CSMD1: variants seen among roughly 807,000 people sequenced by gnomAD.
CSMD1 encodes CUB and sushi domain-containing protein 1.
CSMD1 carries 213 observed loss-of-function variants against 417.5 expected under a neutral mutation model. The ratio of observed to expected loss-of-function variants is 0.51; its 90% confidence interval spans 0.46 to 0.57. CSMD1 has a LOEUF of 0.57. Among genes scored for constraint, CSMD1 ranks in the 20% least tolerant of loss-of-function variants. The pLI is 0.00. For missense variants in CSMD1, 6,923 were observed against 4,529.7 expected, an observed-to-expected ratio of 1.53 and a Z score of -15.17; for synonymous variants, 2,862 against 1,736.8, an observed-to-expected ratio of 1.65 and a Z score of -16.11.
chr8:4,381,478 T>C (rs1169361100), intron 3 of CSMD1, among the ~76,000 whole-genome samples: 1 of 152,204 alleles, frequency 6.6e-6, no homozygotes, highest in Non-Finnish European at 1.5e-5. Flanking sequence ...GATCATTGTC[T>C]TCCAACTGGC....
At chr8:3,520,059 T>A (rs1797444103) in intron 10 of CSMD1, among the ~76,000 whole-genome samples, 1 of 145,234 alleles carries the variant, frequency 6.9e-6, no homozygotes, top group African/African-American at 2.6e-5. Context: ...GTTGTGAAAC[T>A]TGCTCCACAG....
chr8:3,363,862 A>C (rs1809372943), intron 20 of CSMD1, among the ~76,000 whole-genome samples: 1 of 152,204 alleles, frequency 6.6e-6, no homozygotes, highest in Non-Finnish European at 1.5e-5. Context: ...ATAGTTAGCA[A>C]CTAGTAGCAG....
At chr8:3,622,705 T>G (rs983042124) in intron 7 of CSMD1, among the ~76,000 whole-genome samples, 26 of 152,036 alleles carry the variant, frequency 1.7e-4, no homozygotes, top group Non-Finnish European at 2.5e-4. Flanking sequence ...ACAGAGGGAG[T>G]TGTTTCGTGT....
rs117359535 is a variant in CSMD1, at chr8:2,940,693, T to C, written c.10535+1779A>G. 8.5e-5 allele frequency among the ~76,000 whole-genome samples: 13 copies of C among 152,302 alleles called. No homozygotes were observed. The East Asian group carries it at 2.5e-3, about 29-fold the overall frequency. Reference sequence around the variant, plus strand: ...GTTAAGATATAATCAGAAGTGATATTTATGTATAAATATGCATATATAATT... The same window carrying C: ...GTTAAGATATAATCAGAAGTGATATCTATGTATAAATATGCATATATAATT... On this transcript the variant is annotated intron_variant, in intron 69 of 69. Transcript: ENST00000635120.
chr8:4,035,019 T>C (rs552412898), intron 3 of CSMD1, among the ~76,000 whole-genome samples: 3 of 152,198 alleles, frequency 2.0e-5, no homozygotes, highest in Admixed American at 6.5e-5. Context: ...GAAATTATTT[T>C]TTTCAATTAA....
intron 5 of CSMD1, among the ~76,000 whole-genome samples, chr8:3,968,122 G>C (rs1012615210): frequency 1.3e-5 from 2 of 151,592 alleles, no homozygotes; most frequent in African/African-American, 4.9e-5. Flanking sequence ...GGGAGGCAGA[G>C]CTTGCAGTGA....
chr8:4,734,063 G>T (rs191602990), intron 1 of CSMD1, among the ~76,000 whole-genome samples: 32 of 152,262 alleles, frequency 2.1e-4, no homozygotes, highest in African/African-American at 7.5e-4. Flanking sequence ...TGGAGAAACT[G>T]AGGTGACAAG....
chr8:3,858,740 A>C (rs1006048238), intron 5 of CSMD1, among the ~76,000 whole-genome samples: 4 of 152,146 alleles, frequency 2.6e-5, no homozygotes, highest in Admixed American at 2.6e-4. Context: ...TTTTCAAAAT[A>C]ACTTTGGATG....
At chr8:4,180,944 T>A (rs1798336243) in intron 3 of CSMD1, among the ~76,000 whole-genome samples, 1 of 152,130 alleles carries the variant, frequency 6.6e-6, no homozygotes, top group African/African-American at 2.4e-5. Flanking sequence ...CCCACTCTGT[T>A]AATTAAGCCG....
chr8:4,331,192 T>G (rs1799849924), intron 3 of CSMD1, among the ~76,000 whole-genome samples: 2 of 152,148 alleles, frequency 1.3e-5, no homozygotes, highest in Admixed American at 1.3e-4. Flanking sequence ...AAAATCTTCC[T>G]CAAATAGTTG....
At position 3,825,158 on chromosome 8, in the gene CSMD1, C is replaced by T. The variant is rs1257605011; in HGVS notation, c.819-71116G>A. ...CAGGGGAGATTTCTCATTCTCTTTC[C>T]CAGAAGCTGTAGGTGAGGGTTTAGC... is the stretch of plus-strand genomic sequence containing the variant. On this transcript the variant is annotated intron_variant, in intron 5 of 69. Transcript: ENST00000635120. Among the ~76,000 whole-genome samples the T allele has an allele frequency of 2.6e-5, 4 of 152,100 alleles. No individual in the cohort carries two copies. In the East Asian group the frequency reaches 7.7e-4, roughly 29 times the overall value.
At chr8:4,873,317 C>T (rs1802844956) in intron 1 of CSMD1, among the ~76,000 whole-genome samples, 1 of 152,066 alleles carries the variant, frequency 6.6e-6, no homozygotes, top group Non-Finnish European at 1.5e-5. Flanking sequence ...TTCGTAGACC[C>T]ATTCCAAACA....
At chr8:3,476,280 G>A (rs1053653976) in intron 11 of CSMD1, among the ~76,000 whole-genome samples, 1 of 152,180 alleles carries the variant, frequency 6.6e-6, no homozygotes, top group Non-Finnish European at 1.5e-5. Flanking sequence ...ATGTTGTTGT[G>A]TGTATCAGTA....
chr8:4,262,679 C>T (rs766416522), intron 3 of CSMD1, among the ~76,000 whole-genome samples: 7 of 152,128 alleles, frequency 4.6e-5, no homozygotes, highest in Non-Finnish European at 7.3e-5. Flanking sequence ...AACCAGGACC[C>T]TCAGCCTCCA....
At chr8:3,973,176 A>G (rs1259788774) in intron 5 of CSMD1, among the ~76,000 whole-genome samples, 3 of 152,204 alleles carry the variant, frequency 2.0e-5, no homozygotes, top group Admixed American at 6.5e-5. Flanking sequence ...AAACGTGGAA[A>G]AACTGTTACC....
At chr8:3,454,358 A>G (rs1003389617) in intron 12 of CSMD1, among the ~76,000 whole-genome samples, 1 of 152,104 alleles carries the variant, frequency 6.6e-6, no homozygotes, top group Non-Finnish European at 1.5e-5. Flanking sequence ...AGTTATTATG[A>G]TGTTAGCTGG....
chr8:4,709,296 A>G lies in CSMD1; in HGVS notation c.86-71738T>C, dbSNP rs117527624. ...TCCTTGGCTAACTGCAGGTAGAAGG[A>G]GGTGCTGAACTATGGAGGTTGATAC... On this transcript the variant is annotated intron_variant, in intron 1 of 69. Coordinates refer to ENST00000635120, the MANE Select transcript of CSMD1 (RefSeq NM_033225.6). Among the ~76,000 whole-genome samples the G allele has an allele frequency of 2.4e-3, 367 of 152,266 alleles. 3 individuals carry two copies. The highest frequency in any genetic ancestry group is 0.019 in the Admixed American group (294 of 15,296).
intron 5 of CSMD1, among the ~76,000 whole-genome samples, chr8:3,855,255 T>C (rs975017668): frequency 6.6e-6 from 1 of 152,182 alleles, no homozygotes; most frequent in African/African-American, 2.4e-5. Context: ...ACCATAGATT[T>C]TTACTATATT....
At chr8:3,038,619 A>G (rs1010568793) in intron 50 of CSMD1, among the ~76,000 whole-genome samples, 11 of 152,180 alleles carry the variant, frequency 7.2e-5, no homozygotes, top group African/African-American at 2.7e-4. Flanking sequence ...TGGTTTTACC[A>G]TGCACTGCAT....
Sources: gnomAD v4.1 joint callset for allele counts (sites outside exome capture counted in the v4.1 genomes callset) on GRCh38, gnomAD v4.1.1 for gene constraint, MANE v1.5 for transcripts, NCBI Gene and HGNC (gene_info 2026-07-23, HGNC 2026-07-21) for gene names.